The following PDE8B variants were observed in gnomAD, a reference collection of about 807,000 sequenced individuals.
PDE8B encodes high affinity cAMP-specific and IBMX-insensitive 3',5'-cyclic phosphodiesterase 8B.
In PDE8B, 26 loss-of-function variants were observed where a neutral mutation model predicts 101.3. That is an observed-to-expected ratio of 0.26 (90% CI 0.19 to 0.36). PDE8B has a LOEUF of 0.36. Among genes scored for constraint, PDE8B ranks in the 10% least tolerant of loss-of-function variants. The pLI is 1.00. For missense variants in PDE8B, 810 were observed against 1,163.1 expected (o/e 0.70, Z 4.42); for synonymous variants, 424 against 429.3 (o/e 0.99, Z 0.15).
chr5:77,179,692 T>A, the PDE8B span, among the ~76,000 whole-genome samples: 2 of 152,178 alleles, frequency 1.3e-5, no homozygotes. Context: ...GTTTGTAAAT[T>A]GTCCCTACAA....
intron 1 of PDE8B, among the ~76,000 whole-genome samples, chr5:77,218,197 G>T (rs987862199): frequency 6.6e-6 from 1 of 152,312 alleles, no homozygotes; most frequent in South Asian, 2.1e-4. Flanking sequence ...AAGTTTTAGT[G>T]CATGGTTTGT....
chr5:77,239,097 G>C (rs1235755494), intron 1 of PDE8B, among the ~76,000 whole-genome samples: 1 of 152,132 alleles, frequency 6.6e-6, no homozygotes, highest in African/African-American at 2.4e-5. Flanking sequence ...CAATTATCTT[G>C]TCCCATGCAA....
Position 77,337,284 on chromosome 5 carries a change from C to T in PDE8B, c.766C>T (p.His256Tyr). ...CTATAATGAACTGATTCAAATAGAA[C>T]ATGGGGAAGTTCGCTCCCAGTTCAA... ...ACYNELIQIE[H>Y]GEVRSQFKLR... Residue 256 changes from histidine to tyrosine, a missense_variant, in exon 6 of 22, where the codon CAT becomes TAT. Coordinates refer to ENST00000264917, the MANE Select transcript of PDE8B (RefSeq NM_003719.5). The T allele has an allele frequency of 6.3e-7, 1 of 1,594,310 alleles. No homozygotes were observed. Among genetic ancestry groups the T allele is most frequent in the South Asian group, 1.1e-5 (1 of 89,850 alleles).
chr5:77,340,238 A>T lies in PDE8B; in HGVS notation c.797+2923A>T, dbSNP rs533225166. On this transcript the variant is annotated intron_variant, in intron 6 of 21. Transcript: ENST00000264917. Reference sequence around the variant, plus strand: ...CACTCCAAATCTTAAGACAGTAGCAATCCTCAATTTTAGAAAGAATCAAAA... The same window carrying T: ...CACTCCAAATCTTAAGACAGTAGCATTCCTCAATTTTAGAAAGAATCAAAA... Among the ~76,000 whole-genome samples the T allele has an allele frequency of 7.2e-5, 11 of 152,360 alleles. No homozygotes were observed. In the South Asian group the frequency reaches 1.0e-3, roughly 14 times the overall value.
At chr5:77,298,691 C>G (rs1471823709) in intron 1 of PDE8B, among the ~76,000 whole-genome samples, 2 of 152,220 alleles carry the variant, frequency 1.3e-5, no homozygotes, top group East Asian at 3.8e-4. Flanking sequence ...TTTTAGCCAT[C>G]TGACTGTCCA....
At chr5:77,150,591 G>C in the PDE8B span, among the ~76,000 whole-genome samples, 1 of 152,266 alleles carries the variant, frequency 6.6e-6, no homozygotes, top group Non-Finnish European at 1.5e-5. Flanking sequence ...GAGAGGTCCT[G>C]CAACGATGTA....
At chr5:77,364,547 T>A (rs1037381836) in intron 10 of PDE8B, among the ~76,000 whole-genome samples, 1 of 152,092 alleles carries the variant, frequency 6.6e-6, no homozygotes, top group African/African-American at 2.4e-5. Context: ...GAAGGCTAGG[T>A]TTCCTGGGTG....
intron 1 of PDE8B, among the ~76,000 whole-genome samples, chr5:77,229,100 A>G (rs1485819637): frequency 6.6e-6 from 1 of 152,148 alleles, no homozygotes; most frequent in Non-Finnish European, 1.5e-5. Context: ...AAGTTTGTAA[A>G]TTAAGTGGCT....
intron 10 of PDE8B, among the ~76,000 whole-genome samples, chr5:77,377,852 C>T (rs771335979): frequency 2.6e-5 from 4 of 152,186 alleles, no homozygotes; most frequent in Non-Finnish European, 5.9e-5. Context: ...TCGGTGCTCC[C>T]GGCTCTCAGG....
chr5:77,426,052 G>A, intron 21 of PDE8B, 156 bp downstream of exon 21: 3 of 702,522 alleles, frequency 4.3e-6, no homozygotes, highest in Admixed American at 2.0e-5. Flanking sequence ...TGCATTCTTT[G>A]CATCCCCAGC....
At chr5:77,305,284 T>C (rs1770928454) in intron 1 of PDE8B, among the ~76,000 whole-genome samples, 1 of 152,222 alleles carries the variant, frequency 6.6e-6, no homozygotes. Flanking sequence ...TGAGAACTTC[T>C]AGACCAGAGG....
chr5:77,091,751 C>T, the PDE8B span, among the ~76,000 whole-genome samples: 2 of 152,178 alleles, frequency 1.3e-5, no homozygotes, highest in African/African-American at 2.4e-5. Context: ...CAATTTTTTA[C>T]AGTTTATTGT....
At chr5:77,100,102 C>T in the PDE8B span, 2 of 152,232 alleles carry the variant, frequency 1.3e-5, no homozygotes, top group Non-Finnish European at 1.5e-5. Context: ...CTCTACCACC[C>T]TGTATTGTTT....
At chr5:77,200,994 T>A in the PDE8B span, among the ~76,000 whole-genome samples, 17 of 152,310 alleles carry the variant, frequency 1.1e-4, no homozygotes, top group African/African-American at 4.1e-4. Context: ...GAGCACCTCC[T>A]TTCACAGCCC....
chr5:77,261,872 G>A (rs1474846273), intron 1 of PDE8B, among the ~76,000 whole-genome samples: 1 of 152,220 alleles, frequency 6.6e-6, no homozygotes, highest in African/African-American at 2.4e-5. Flanking sequence ...ATTCAGAGAA[G>A]TGCCTTGCGT....
chr5:77,408,030 T>G (rs529802121), intron 13 of PDE8B, among the ~76,000 whole-genome samples: 1 of 152,130 alleles, frequency 6.6e-6, no homozygotes, highest in Non-Finnish European at 1.5e-5. Context: ...CCAGATATGT[T>G]TGTTGAAAAG....
chr5:77,320,409 G>A (rs192878803), intron 2 of PDE8B, among the ~76,000 whole-genome samples: 47 of 152,310 alleles, frequency 3.1e-4, no homozygotes, highest in African/African-American at 1.1e-3. Context: ...GCCCAGATCA[G>A]TTCTGCATCT....
the PDE8B span, among the ~76,000 whole-genome samples, chr5:77,168,563 G>A: frequency 6.6e-6 from 1 of 152,270 alleles, no homozygotes. Context: ...GGATGGAATG[G>A]CAAGTCAGGG....
At chr5:77,389,971 G>A (rs748778494) in intron 10 of PDE8B, among the ~76,000 whole-genome samples, 7 of 152,134 alleles carry the variant, frequency 4.6e-5, no homozygotes, top group Non-Finnish European at 8.8e-5. Flanking sequence ...GTTGGGCTGC[G>A]TAGTAGGTGG....
Sources: gnomAD v4.1 joint callset for allele counts (sites outside exome capture counted in the v4.1 genomes callset) on GRCh38, gnomAD v4.1.1 for gene constraint, MANE v1.5 for transcripts, NCBI Gene and HGNC (gene_info 2026-07-23, HGNC 2026-07-21) for gene names.